Variants in ABI1 observed in about 807,000 individuals in gnomAD.
ABI1 encodes the protein Abelson interactor 1.
In ABI1, 14 loss-of-function variants were observed where a neutral mutation model predicts 54.6. That is an observed-to-expected ratio of 0.26 (90% CI 0.17 to 0.40). The LOEUF (loss-of-function observed/expected upper bound fraction) is 0.40, where lower values mean the gene tolerates loss of function less well. Among genes scored for constraint, ABI1 ranks in the 10% least tolerant of loss-of-function variants. ABI1 has a pLI of 1.00. For synonymous variants in ABI1, 194 were observed against 209.3 expected (o/e 0.93, Z 0.63); for missense variants, 443 against 598.3 (o/e 0.74, Z 2.71).
chr10:26,807,119 G>C (rs895993155), intron 2 of ABI1, among the ~76,000 whole-genome samples: 3 of 152,014 alleles, frequency 2.0e-5, no homozygotes, highest in African/African-American at 7.3e-5. Context: ...AAAATGTTTT[G>C]ATTTTCAAGG....
At chr10:26,777,755 C>T (rs949165171) in intron 2 of ABI1, among the ~76,000 whole-genome samples, 1 of 151,976 alleles carries the variant, frequency 6.6e-6, no homozygotes, top group Admixed American at 6.6e-5. Flanking sequence ...GCCTGGGCAA[C>T]AGAGGGAGAC....
At chr10:26,793,422 T>C (rs1197801412) in intron 2 of ABI1, among the ~76,000 whole-genome samples, 1 of 152,108 alleles carries the variant, frequency 6.6e-6, no homozygotes, top group Non-Finnish European at 1.5e-5. Context: ...CACCATAAAA[T>C]AGATCTATTT....
intron 3 of ABI1, among the ~76,000 whole-genome samples, chr10:26,774,923 G>A (rs1033993261): frequency 1.3e-5 from 2 of 152,008 alleles, no homozygotes; most frequent in Non-Finnish European, 2.9e-5. Flanking sequence ...GCCAATATAT[G>A]AGGGTCTACT....
rs1016628002 is a variant in ABI1, at chr10:26,747,406, A to G, written c.*1164T>C. Reference sequence around the variant, plus strand: ...TAAATCTCTGTTCACTGATTAATACATGACCCACCTTCTTTCCCAATTATT... The same window carrying G: ...TAAATCTCTGTTCACTGATTAATACGTGACCCACCTTCTTTCCCAATTATT... On this transcript the variant is annotated 3_prime_UTR_variant, in exon 11 of 11. Transcript: ENST00000376140. The G allele has an allele frequency of 4.5e-6, 1 of 222,890 alleles. No individual in the cohort carries two copies. The highest frequency in any genetic ancestry group is 9.0e-6 in the Non-Finnish European group (1 of 111,528). The allele number at this position is 222,890 out of a possible 1,614,324, so 13.8% of individuals were successfully genotyped here. A position where few individuals can be genotyped will look rare whatever the true frequency, so the allele number is the denominator to read the frequency against.
chr10:26,854,943 G>C (rs1409130), intron 1 of ABI1, among the ~76,000 whole-genome samples: 87,296 of 152,038 alleles, frequency 0.57, 27,232 homozygotes, highest in African/African-American at 0.83. Context: ...GAAAAGCTAG[G>C]CTGTAATTCC....
rs544812548 is a variant in ABI1 at position 26,775,428 on chromosome 10, A to C, written c.462+1637T>G. 3.3e-5 allele frequency among the ~76,000 whole-genome samples: 5 copies of C among 152,182 alleles called. No homozygotes were observed. In the South Asian group the frequency reaches 1.0e-3, roughly 32 times the overall value. On this transcript the variant is annotated intron_variant, in intron 3 of 10. Coordinates refer to ENST00000376140, the MANE Select transcript of ABI1 (RefSeq NM_001012750.3). ...TGTACTTAATGTCACAGAACTATAC[A>C]CCTAAAAAGAGTTAGTCATTTTATG...
chr10:26,757,685 G>A (rs1026167937), intron 8 of ABI1, among the ~76,000 whole-genome samples: 3 of 152,022 alleles, frequency 2.0e-5, no homozygotes, highest in African/African-American at 4.8e-5. Flanking sequence ...TAAATTTTGG[G>A]ATTATTTGTG....
At position 26,856,531 on chromosome 10, in the gene ABI1, G is replaced by A. The variant is rs370358335; in HGVS notation, c.117+4216C>T. Among the ~76,000 whole-genome samples, 99 of 148,490 alleles carry A rather than the reference G, an allele frequency of 6.7e-4. No individual in the cohort carries two copies. The South Asian group carries it at 8.3e-3, about 12-fold the overall frequency. The stretch of plus-strand genomic sequence containing the variant: ...ATGTTAGCTTTTACCTACTCCAAAC[G>A]GATCCTGCTCAAAAATTACCCACCT... On this transcript the variant is annotated intron_variant, in intron 1 of 10. Transcript: ENST00000376140.
intron 1 of ABI1, among the ~76,000 whole-genome samples, chr10:26,825,716 A>C (rs1421564244): frequency 6.6e-6 from 1 of 152,190 alleles, no homozygotes; most frequent in Non-Finnish European, 1.5e-5. Flanking sequence ...AGCACTACCG[A>C]TGCTTTATCA....
chr10:26,792,929 T>C (rs1057074593), intron 2 of ABI1, among the ~76,000 whole-genome samples: 2 of 152,036 alleles, frequency 1.3e-5, no homozygotes, highest in African/African-American at 4.8e-5. Context: ...TCCAGAAAAA[T>C]CCTTCTTAAT....
At chr10:26,825,366 A>C (rs965849817) in intron 1 of ABI1, among the ~76,000 whole-genome samples, 2 of 152,040 alleles carry the variant, frequency 1.3e-5, no homozygotes, top group Non-Finnish European at 2.9e-5. Context: ...TCTCTGAAAA[A>C]AAAATTTTTT....
At chr10:26,786,353 T>A (rs1228694313) in intron 2 of ABI1, among the ~76,000 whole-genome samples, 1 of 152,074 alleles carries the variant, frequency 6.6e-6, no homozygotes, top group Non-Finnish European at 1.5e-5. Flanking sequence ...TAGCTGGGAC[T>A]ACAGGCATGT....
At chr10:26,777,739 A>G (rs1841596409) in intron 2 of ABI1, among the ~76,000 whole-genome samples, 1 of 152,058 alleles carries the variant, frequency 6.6e-6, no homozygotes, top group African/African-American at 2.4e-5. Context: ...ATGCCACTGC[A>G]CTCCAGCCTG....
At position 26,840,296 on chromosome 10, in the gene ABI1, T is replaced by C. The variant is rs1238114076; in HGVS notation, c.118-16991A>G. 2.0e-5 allele frequency among the ~76,000 whole-genome samples: 3 copies of C among 152,198 alleles called. No individual in the cohort carries two copies. The East Asian group carries it at 5.8e-4, about 29-fold the overall frequency. On this transcript the variant is annotated intron_variant, in intron 1 of 10. Transcript: ENST00000376140. ...CCCCACCTTGCTTCTTGCCAAGTGA[T>C]CTCTGCAAATGTCAGCTCCCTTCCC...
intron 2 of ABI1, among the ~76,000 whole-genome samples, chr10:26,786,369 C>A (rs1005096399): frequency 1.3e-5 from 2 of 152,068 alleles, no homozygotes; most frequent in Non-Finnish European, 2.9e-5. Flanking sequence ...CATGTGCCCC[C>A]ACACCCGGCT....
At chr10:26,829,742 T>C (rs1366025760) in intron 1 of ABI1, among the ~76,000 whole-genome samples, 1 of 152,170 alleles carries the variant, frequency 6.6e-6, no homozygotes, top group Non-Finnish European at 1.5e-5. Context: ...TTCATAACAA[T>C]ATTAAAAAGA....
At chr10:26,785,551 G>C (rs375186483) in intron 2 of ABI1, among the ~76,000 whole-genome samples, 1 of 151,986 alleles carries the variant, frequency 6.6e-6, no homozygotes, top group Non-Finnish European at 1.5e-5. Flanking sequence ...GTGAAATTCC[G>C]TCTTTACTAG....
chr10:26,751,773 A>G lies in ABI1; in HGVS notation c.1095T>C (p.Ser365=). 6.2e-7 allele frequency: 1 copy of G among 1,605,494 alleles called. No individual in the cohort carries two copies. The highest frequency in any genetic ancestry group is 1.3e-5 in the African/African-American group (1 of 74,662). ...GTGGAGGTGGTGGCGGTGGAGTTGG[A>G]CTATCAGCAACTAAAAAGATTCATA... ...VARVQENIAD[S]PTPPPPPPPD... is the part of the protein sequence containing the mutation. The change falls in exon 10 of 11, where the codon AGT becomes AGC. Residue 365 remains serine (S), a synonymous_variant. Transcript: ENST00000376140.
chr10:26,836,319 G>A (rs945015159), intron 1 of ABI1, among the ~76,000 whole-genome samples: 5 of 151,094 alleles, frequency 3.3e-5, no homozygotes, highest in Admixed American at 2.6e-4. Context: ...CACCATGTTA[G>A]CCAGCCTGGT....
Sources: allele counts gnomAD v4.1 joint callset (sites outside exome capture counted in the v4.1 genomes callset), GRCh38; gene constraint gnomAD v4.1.1; transcripts MANE v1.5; gene names NCBI Gene and HGNC (gene_info 2026-07-23, HGNC 2026-07-21).